Variants in THAP12 observed in about 807,000 individuals in gnomAD.
THAP12 encodes the protein THAP domain containing 12.
In THAP12, 20 loss-of-function variants were observed where a neutral mutation model predicts 63.0. That is an observed-to-expected ratio of 0.32 (90% CI 0.22 to 0.46). THAP12 has a LOEUF of 0.46. Among genes scored for constraint, THAP12 ranks in the 20% least tolerant of loss-of-function variants. THAP12 has a pLI of 1.00. For synonymous variants in THAP12, 264 were observed against 328.4 expected (o/e 0.80, Z 2.12); for missense variants, 568 against 908.2 (o/e 0.63, Z 4.81).
chr11:76,361,179 G>GAGACTTACAGAATTTGATGTC lies in THAP12; in HGVS notation c.211-137_211-117dup, dbSNP rs1946595808. The GAGACTTACAGAATTTGATGTC allele has an allele frequency of 6.2e-6, 4 of 641,036 alleles. 1 individual carries two copies. The South Asian group carries it at 8.9e-5, about 14-fold the overall frequency. 39.7% of individuals were successfully genotyped at this position (641,036 alleles called of 1,614,324 possible). On this transcript the variant is annotated intron_variant, in intron 2 of 4. Coordinates refer to ENST00000260045, the MANE Select transcript of THAP12 (RefSeq NM_004705.4). ...CCTTCAACTCCAGCTCTAAAGTATA[G>GAGACTTACAGAATTTGATGTC]AGACTTACAGAATTTGATGTCAGTT... is the stretch of plus-strand genomic sequence containing the variant.
intron 1 of THAP12, among the ~76,000 whole-genome samples, chr11:76,366,180 TAAG>T (rs1370890176): frequency 1.3e-5 from 2 of 152,134 alleles, no homozygotes; most frequent in African/African-American, 4.8e-5. Context: ...CAGACAAGGT[TAAG>T]AAGTAACTTG....
At chr11:76,375,209 A>G (rs1007692115) in intron 1 of THAP12, among the ~76,000 whole-genome samples, 1 of 152,128 alleles carries the variant, frequency 6.6e-6, no homozygotes, top group African/African-American at 2.4e-5. Flanking sequence ...ATCTTGGGTG[A>G]GTTAGTACTA....
At chr11:76,355,711 A>G in intron 3 of THAP12, 57 bp from the exon 4 acceptor site, 2 of 1,414,064 alleles carry the variant, frequency 1.4e-6, no homozygotes, top group Non-Finnish European at 1.9e-6. Flanking sequence ...ACTGACCTCT[A>G]GTGTATCATC....
rs1422090584 is a variant in THAP12 at position 76,361,120 on chromosome 11, A to G, written c.211-57T>C. On this transcript the variant is annotated intron_variant, in intron 2 of 4. Transcript: ENST00000260045. Reference sequence around the variant, plus strand: ...GGTCCTTATAAATATATTACACATCAATAAAATTCTATGTTAATGACCTCC... The same window carrying G: ...GGTCCTTATAAATATATTACACATCGATAAAATTCTATGTTAATGACCTCC... 3.6e-6 allele frequency: 4 copies of G among 1,119,686 alleles called. No individual in the cohort carries two copies. In the South Asian group the frequency reaches 5.3e-5, roughly 15 times the overall value. The allele number at this position is 1,119,686 out of a possible 1,614,324, so 69.4% of individuals were successfully genotyped here.
chr11:76,376,163 C>T (rs896550377), intron 1 of THAP12, among the ~76,000 whole-genome samples: 3 of 152,154 alleles, frequency 2.0e-5, no homozygotes, highest in African/African-American at 4.8e-5. Flanking sequence ...ATGTAATTAA[C>T]GCCACTGAAT....
At chr11:76,380,602 C>T in intron 1 of THAP12, 146 bp downstream of exon 1, 1 of 551,196 alleles carries the variant, frequency 1.8e-6, no homozygotes, top group Non-Finnish European at 2.6e-6. Flanking sequence ...CTCCCCATCT[C>T]GGTCCAACGC....
At chr11:76,356,646 C>T (rs1257521457) in intron 3 of THAP12, 3 of 152,188 alleles carry the variant, frequency 2.0e-5, no homozygotes, top group African/African-American at 4.8e-5. Context: ...CATTCTTCCC[C>T]TACATAACGT....
intron 2 of THAP12, among the ~76,000 whole-genome samples, chr11:76,361,589 T>C (rs947745704): frequency 2.0e-5 from 3 of 152,226 alleles, no homozygotes; most frequent in African/African-American, 7.2e-5. Context: ...CCTGGCTAAA[T>C]TACTTTCCCT....
chr11:76,369,537 G>A (rs190066269), intron 1 of THAP12, among the ~76,000 whole-genome samples: 13 of 152,306 alleles, frequency 8.5e-5, no homozygotes, highest in South Asian at 4.1e-4. Flanking sequence ...GCTGGTATCC[G>A]GGAACTTGGT....
intron 4 of THAP12, among the ~76,000 whole-genome samples, chr11:76,355,246 T>C (rs1336179921): frequency 6.6e-6 from 1 of 152,178 alleles, no homozygotes; most frequent in African/African-American, 2.4e-5. Context: ...TCCTTAAACA[T>C]TTACAAAGAA....
Position 76,351,567 on chromosome 11 carries a change from A to G in THAP12, c.1583T>C (p.Ile528Thr). The change falls in exon 5 of 5, where the codon ATT (isoleucine) becomes ACT (threonine). Residue 528 changes from isoleucine (I) to threonine (T), a missense_variant. Coordinates refer to ENST00000260045, the MANE Select transcript of THAP12 (RefSeq NM_004705.4). ...AAACCAAAATTCATGATAAACTTCAATATTTTCCATCACTTCGTTGAGTGA... is the reference window on the plus strand; with the variant it reads ...AAACCAAAATTCATGATAAACTTCAGTATTTTCCATCACTTCGTTGAGTGA... ...LHSLNEVMENIEVYHEFWFEE... is the reference protein window; with the variant it reads ...LHSLNEVMENTEVYHEFWFEE... The G allele has an allele frequency of 1.3e-6, 2 of 1,583,144 alleles. No individual in the cohort carries two copies. Among genetic ancestry groups the G allele is most frequent in the Non-Finnish European group, 1.7e-6 (2 of 1,161,316 alleles).
intron 1 of THAP12, among the ~76,000 whole-genome samples, chr11:76,372,188 A>G (rs1946679410): frequency 6.6e-6 from 1 of 152,060 alleles, no homozygotes; most frequent in Non-Finnish European, 1.5e-5. Flanking sequence ...TCCCGGGCTC[A>G]AGCGATCCTC....
intron 2 of THAP12, among the ~76,000 whole-genome samples, chr11:76,364,028 T>C (rs1489758734): frequency 6.6e-6 from 1 of 152,264 alleles, no homozygotes; most frequent in East Asian, 1.9e-4. Flanking sequence ...ACCTGGCTCA[T>C]CTTTCTGTTC....
At chr11:76,370,834 A>G (rs944112743) in intron 1 of THAP12, among the ~76,000 whole-genome samples, 2 of 130,948 alleles carry the variant, frequency 1.5e-5, no homozygotes, top group East Asian at 2.4e-4. Flanking sequence ...AAAAAAGAAA[A>G]AAAAAAAAAA....
chr11:76,353,554 T>C (rs921090735), intron 4 of THAP12, among the ~76,000 whole-genome samples: 1 of 152,212 alleles, frequency 6.6e-6, no homozygotes, highest in Non-Finnish European at 1.5e-5. Flanking sequence ...CTCTTAGGGC[T>C]AGTATTAGAA....
intron 2 of THAP12, among the ~76,000 whole-genome samples, chr11:76,364,935 A>G (rs995552545): frequency 1.3e-5 from 2 of 152,210 alleles, no homozygotes; most frequent in Non-Finnish European, 2.9e-5. Context: ...TTAAATAAAC[A>G]TATACTTTTA....
At chr11:76,364,222 C>T (rs759661304) in intron 2 of THAP12, 40 of 177,394 alleles carry the variant, frequency 2.3e-4, no homozygotes, top group Non-Finnish European at 4.3e-4. Flanking sequence ...AGTAGTTTGC[C>T]TTTTAAACAT....
intron 3 of THAP12, chr11:76,358,639 TA>T (rs1177606482): frequency 2.7e-5 from 4 of 150,228 alleles, no homozygotes; most frequent in East Asian, 2.0e-4. Context: ...ACTCCATCTA[TA>T]AAAAAAAATA....
intron 4 of THAP12, among the ~76,000 whole-genome samples, chr11:76,354,000 C>T (rs1946544302): frequency 6.6e-6 from 1 of 152,204 alleles, no homozygotes; most frequent in Non-Finnish European, 1.5e-5. Context: ...CAGAGTGAGA[C>T]TCCGTCTCAA....
Sources: allele counts gnomAD v4.1 joint callset (sites outside exome capture counted in the v4.1 genomes callset), GRCh38; gene constraint gnomAD v4.1.1; transcripts MANE v1.5; gene names NCBI Gene and HGNC (gene_info 2026-07-23, HGNC 2026-07-21).